The following PADI1 variants were observed in gnomAD, a reference collection of about 807,000 sequenced individuals.
PADI1 encodes the protein peptidyl arginine deiminase 1, also known as protein-arginine deiminase type-1.
PADI1 carries 65 observed loss-of-function variants against 74.8 expected under a neutral mutation model. That is an observed-to-expected ratio of 0.87 (90% confidence interval 0.71 to 1.07). The LOEUF (loss-of-function observed/expected upper bound fraction) is 1.07. PADI1 is among the 50% of genes least tolerant of loss of function. The pLI is 0.00. For missense variants in PADI1, 943 were observed against 854.0 expected, an observed-to-expected ratio of 1.10 and a Z score of -1.30; for synonymous variants, 371 against 336.2, an observed-to-expected ratio of 1.10 and a Z score of -1.13.
chr1:17,231,352 G>A (rs912166416), intron 10 of PADI1, among the ~76,000 whole-genome samples: 1 of 152,182 alleles, frequency 6.6e-6, no homozygotes, highest in Non-Finnish European at 1.5e-5. Context: ...AAACTAGGGG[G>A]GCTGTCCCCA....
At chr1:17,231,603 C>A (rs560045432) in intron 10 of PADI1, among the ~76,000 whole-genome samples, 1 of 152,280 alleles carries the variant, frequency 6.6e-6, no homozygotes, top group Non-Finnish European at 1.5e-5. Context: ...GGGGGACCCA[C>A]CTGACCTGCC....
chr1:17,215,402 A>G (rs552435700), intron 1 of PADI1, among the ~76,000 whole-genome samples: 1 of 151,566 alleles, frequency 6.6e-6, no homozygotes, highest in Non-Finnish European at 1.5e-5. Context: ...CATCGTCATC[A>G]TCATCATCAT....
chr1:17,238,777 C>A, intron 13 of PADI1, 68 bp downstream of exon 13: 1 of 712,866 alleles, frequency 1.4e-6, no homozygotes, highest in South Asian at 3.1e-5. Flanking sequence ...GGGTACAGCC[C>A]CTGCACCTGC....
chr1:17,229,105 C>A, intron 8 of PADI1, 54 bp downstream of exon 8: 3 of 1,110,920 alleles, frequency 2.7e-6, no homozygotes, highest in Non-Finnish European at 4.0e-6. Context: ...GAGGTAGGGA[C>A]AGAAGCTGCC....
Position 17,230,189 on chromosome 1 carries a change from G to T in PADI1, c.1034G>T (p.Arg345Leu). The T allele has an allele frequency of 6.2e-7, 1 of 1,614,042 alleles. No individual in the cohort carries two copies. The highest frequency in any genetic ancestry group is 8.5e-7 in the Non-Finnish European group (1 of 1,179,952). ...ACCATCTGCCCTCAAGTTGAAAATC[G>T]AAATGACCGCTGGATCCAGGTGGGA... ...KLTICPQVEN[R>L]NDRWIQDEME... The change falls in exon 9 of 16, where the codon CGA (arginine) becomes CTA (leucine). Residue 345 changes from arginine (R) to leucine (L), a missense_variant. Arg to Leu is a moderately radical substitution (Grantham distance 102). Coordinates refer to ENST00000375471, the MANE Select transcript of PADI1 (RefSeq NM_013358.3).
At chr1:17,242,821 TCTGGCC>T (rs1483896713) in intron 15 of PADI1, among the ~76,000 whole-genome samples, 1 of 152,230 alleles carries the variant, frequency 6.6e-6, no homozygotes, top group Non-Finnish European at 1.5e-5. Flanking sequence ...CCTGGCTGGC[TCTGGCC>T]CTGGTCCTGG....
chr1:17,206,066 T>C (rs2071674678), intron 1 of PADI1, among the ~76,000 whole-genome samples: 1 of 152,158 alleles, frequency 6.6e-6, no homozygotes, highest in Admixed American at 6.5e-5. Flanking sequence ...ACTAAGGGAA[T>C]TGGATTTGGT....
At chr1:17,207,130 T>C (rs143597071) in intron 1 of PADI1, among the ~76,000 whole-genome samples, 24 of 152,146 alleles carry the variant, frequency 1.6e-4, no homozygotes, top group African/African-American at 5.5e-4. Context: ...TAGAAGGTGA[T>C]TTCAGAACCT....
intron 12 of PADI1, among the ~76,000 whole-genome samples, 182 bp from the exon 13 acceptor site, chr1:17,238,434 G>C (rs1020050395): frequency 2.0e-5 from 3 of 152,228 alleles, no homozygotes; most frequent in Non-Finnish European, 2.9e-5. Flanking sequence ...ACAAAGTTCT[G>C]GAGGTGGGAA....
chr1:17,243,926 C>T lies in PADI1; in HGVS notation c.1759-84C>T, dbSNP rs912180395. The T allele has an allele frequency of 4.3e-6, 4 of 932,938 alleles. No individual in the cohort carries two copies. The African/African-American group carries it at 4.9e-5, about 11-fold the overall frequency. The allele number at this position is 932,938 out of a possible 1,614,324, so 57.8% of individuals were successfully genotyped here. A position where few individuals can be genotyped will look rare whatever the true frequency, so the allele number is the denominator to read the frequency against. Reference sequence around the variant, plus strand: ...CTATGGCCAACCCATTCCCCAGGGCCTGTCTCATTCTGGCAAGGAAGGGGT... The same window carrying T: ...CTATGGCCAACCCATTCCCCAGGGCTTGTCTCATTCTGGCAAGGAAGGGGT... On this transcript the variant is annotated intron_variant, in intron 15 of 15. Coordinates refer to ENST00000375471, the MANE Select transcript of PADI1 (RefSeq NM_013358.3).
intron 8 of PADI1, 104 bp downstream of exon 8, chr1:17,229,155 C>T (rs1054354803): frequency 5.7e-5 from 43 of 754,034 alleles, no homozygotes; most frequent in African/African-American, 1.6e-4. Context: ...GGATTCATTG[C>T]GGGCACCCAT....
chr1:17,227,123 G>A (rs2072338206), intron 6 of PADI1, among the ~76,000 whole-genome samples: 1 of 151,504 alleles, frequency 6.6e-6, no homozygotes, highest in Admixed American at 6.6e-5. Context: ...CTCAAACCCA[G>A]GAGGCAGAGG....
chr1:17,232,956 G>T lies in PADI1; in HGVS notation c.1299G>T (p.Gly433=), dbSNP rs369200641. Residue 433 remains glycine (G), a synonymous_variant, in exon 11 of 16, where the codon GGG becomes GGT. Coordinates refer to ENST00000375471, the MANE Select transcript of PADI1 (RefSeq NM_013358.3). ...TEYPLGRILI[G]SSFPKSGGRQ... is the part of the protein sequence containing the mutation. ...ACCCCCTGGGCCGGATCCTCATCGG[G>T]AGCAGCTTCCCCAAGTGAGGGGCTG... 72 of 1,607,136 alleles carry T rather than the reference G, an allele frequency of 4.5e-5. No individual in the cohort carries two copies. The highest frequency in any genetic ancestry group is 1.8e-4 in the Admixed American group (11 of 59,498).
At chr1:17,223,769 C>A in intron 3 of PADI1, 76 bp downstream of exon 3, 1 of 1,234,826 alleles carries the variant, frequency 8.1e-7, no homozygotes, top group South Asian at 1.2e-5. Flanking sequence ...TTAGTGGATT[C>A]CTTGGAGTGG....
intron 2 of PADI1, among the ~76,000 whole-genome samples, chr1:17,222,928 A>C (rs527359205): frequency 6.6e-6 from 1 of 152,196 alleles, no homozygotes; most frequent in Non-Finnish European, 1.5e-5. Flanking sequence ...AGCTCAGACG[A>C]GTCCCTCCTC....
At chr1:17,207,397 CG>C (rs2100384773) in intron 1 of PADI1, among the ~76,000 whole-genome samples, 1 of 152,314 alleles carries the variant, frequency 6.6e-6, no homozygotes, top group Admixed American at 6.5e-5. Context: ...GCTGCACTTC[CG>C]AGCCTCAGTT....
chr1:17,206,683 C>CTTTTTTTTTTTTTTTT (rs796276122), intron 1 of PADI1, among the ~76,000 whole-genome samples: 30 of 109,760 alleles, frequency 2.7e-4, no homozygotes, highest in South Asian at 6.1e-4. Flanking sequence ...TTTTCTTTTT[C>CTTTTTTTTTTTTTTTT]TTTTTTTTTT....
chr1:17,240,896 A>G (rs1265264314), intron 15 of PADI1, 136 bp downstream of exon 15: 1 of 1,043,778 alleles, frequency 9.6e-7, no homozygotes, highest in Non-Finnish European at 1.4e-6. Flanking sequence ...GTGAATATAG[A>G]GAACATTCCC....
Position 17,244,029 on chromosome 1 carries a change from G to A in PADI1, c.1778G>A (p.Gly593Asp), listed in dbSNP as rs368428720. ...FPDMVNMVVLGKYLGIPKPYG... is the reference protein window; with the variant it reads ...FPDMVNMVVLDKYLGIPKPYG... ...TTGCAGGTTAACATGGTGGTCTTAG[G>A]CAAGTACCTGGGCATCCCCAAGCCC... The change falls in exon 16 of 16, where the codon GGC becomes GAC. Residue 593 changes from glycine to aspartate, a missense_variant. Gly to Asp is a moderately conservative substitution (Grantham distance 94, BLOSUM62 -1). Coordinates refer to ENST00000375471, the MANE Select transcript of PADI1 (RefSeq NM_013358.3). The A allele has an allele frequency of 3.7e-6, 6 of 1,613,750 alleles. No homozygotes were observed. Among genetic ancestry groups the A allele is most frequent in the Non-Finnish European group, 5.1e-6 (6 of 1,179,820 alleles).
Sources: gnomAD v4.1 joint callset for allele counts (sites outside exome capture counted in the v4.1 genomes callset) on GRCh38, gnomAD v4.1.1 for gene constraint, MANE v1.5 for transcripts, NCBI Gene and HGNC (gene_info 2026-07-23, HGNC 2026-07-21) for gene names.